Variants in CDKAL1 observed in about 807,000 individuals in gnomAD.
CDKAL1 encodes threonylcarbamoyladenosine tRNA methylthiotransferase.
A neutral mutation model predicts 68.2 loss-of-function variants in CDKAL1; 32 were observed. The observed-to-expected ratio is 0.47, with a 90% CI of 0.35 to 0.63. The LOEUF (loss-of-function observed/expected upper bound fraction) is 0.63. Ranked by LOEUF, CDKAL1 falls within the 30% of genes least tolerant of loss-of-function variation. CDKAL1 has a pLI of 0.00. For synonymous variants in CDKAL1, 234 were observed against 244.3 expected, an observed-to-expected ratio of 0.96 and a Z score of 0.39; for missense variants, 606 against 696.7, an observed-to-expected ratio of 0.87 and a Z score of 1.47.
At chr6:20,810,481 T>C (rs1455452384) in intron 8 of CDKAL1, among the ~76,000 whole-genome samples, 2 of 149,384 alleles carry the variant, frequency 1.3e-5, no homozygotes, top group African/African-American at 5.0e-5. Context: ...CCTGTGGTCT[T>C]AGCTACTCGT....
chr6:20,989,024 G>A (rs772708070), intron 10 of CDKAL1, among the ~76,000 whole-genome samples: 25 of 151,558 alleles, frequency 1.6e-4, no homozygotes, highest in Non-Finnish European at 3.1e-4. Context: ...CATTTCATTG[G>A]CCATCCCAAG....
At chr6:20,665,933 G>A (rs2127775301) in intron 5 of CDKAL1, among the ~76,000 whole-genome samples, 1 of 142,850 alleles carries the variant, frequency 7.0e-6, no homozygotes. Context: ...ACTTCGGCCT[G>A]CTTAATGGCA....
rs141748882 is a variant in CDKAL1 at position 21,126,540 on chromosome 6, C to T, written c.1299+18077C>T. ...CTGCAGTCAGCTCATTTTCCCGCTT[C>T]TGGCTCTTCTGTAAACTTCACCACT... On this transcript the variant is annotated intron_variant, in intron 13 of 15. Transcript: ENST00000274695. 6.2e-4 allele frequency among the ~76,000 whole-genome samples: 94 copies of T among 152,328 alleles called. 1 individual carries two copies. Among genetic ancestry groups the T allele is most frequent in the African/African-American group, 2.2e-3 (91 of 41,580 alleles).
chr6:21,024,010 T>C (rs16884399), intron 11 of CDKAL1, among the ~76,000 whole-genome samples: 7,607 of 152,256 alleles, frequency 0.05, 347 homozygotes, highest in East Asian at 0.18. Context: ...TACCATTTCC[T>C]TTGTTATTAA....
chr6:20,540,733 G>A (rs1763358758), intron 2 of CDKAL1, among the ~76,000 whole-genome samples: 1 of 152,214 alleles, frequency 6.6e-6, no homozygotes, highest in African/African-American at 2.4e-5. Flanking sequence ...TGGGATTACA[G>A]GCGTGAGCCA....
chr6:20,737,142 C>A (rs1374007297), intron 5 of CDKAL1, among the ~76,000 whole-genome samples: 1 of 152,182 alleles, frequency 6.6e-6, no homozygotes, highest in African/African-American at 2.4e-5. Flanking sequence ...CTGCCCTGAG[C>A]TTTCTGTGCC....
intron 13 of CDKAL1, among the ~76,000 whole-genome samples, chr6:21,150,042 AGAGATGGGG>A (rs1776339620): frequency 6.6e-6 from 1 of 151,908 alleles, no homozygotes; most frequent in Non-Finnish European, 1.5e-5. Flanking sequence ...TATTTTTAGT[AGAGATGGGG>A]TTTCACCATT....
At chr6:21,192,031 T>TTTTTTTTTTTTTTTTTC (rs1562104946) in intron 13 of CDKAL1, among the ~76,000 whole-genome samples, 1 of 116,102 alleles carries the variant, frequency 8.6e-6, no homozygotes, top group African/African-American at 3.5e-5. Context: ...TTTTTTTTTT[T>TTTTTTTTTTTTTTTTTC]TGAGACGGAG....
intron 13 of CDKAL1, among the ~76,000 whole-genome samples, chr6:21,173,768 A>C (rs1456965967): frequency 6.6e-6 from 1 of 152,172 alleles, no homozygotes; most frequent in Non-Finnish European, 1.5e-5. Context: ...ACTACAAGAT[A>C]CCATCAAAAA....
chr6:20,958,542 T>G (rs1034563307), intron 10 of CDKAL1, among the ~76,000 whole-genome samples: 15 of 152,138 alleles, frequency 9.9e-5, no homozygotes, highest in African/African-American at 3.1e-4. Flanking sequence ...CTTAGACCAC[T>G]CTACAGAAAT....
intron 9 of CDKAL1, among the ~76,000 whole-genome samples, chr6:20,870,198 A>G (rs1178840035): frequency 6.6e-6 from 1 of 152,202 alleles, no homozygotes; most frequent in Non-Finnish European, 1.5e-5. Context: ...GTAGTGCCAC[A>G]AAGATGTGGA....
intron 13 of CDKAL1, among the ~76,000 whole-genome samples, chr6:21,113,841 G>A (rs1267187253): frequency 6.6e-6 from 1 of 151,850 alleles, no homozygotes; most frequent in Admixed American, 6.6e-5. Context: ...TTGAGAGGCT[G>A]ATGCAGGAGG....
At chr6:20,919,940 G>T (rs1762875301) in intron 9 of CDKAL1, among the ~76,000 whole-genome samples, 1 of 152,156 alleles carries the variant, frequency 6.6e-6, no homozygotes, top group South Asian at 2.1e-4. Context: ...TAGCCAGAGT[G>T]GTGGTAGTGG....
intron 4 of CDKAL1, among the ~76,000 whole-genome samples, chr6:20,603,479 C>T (rs563834102): frequency 6.6e-6 from 1 of 152,216 alleles, no homozygotes; most frequent in Non-Finnish European, 1.5e-5. Context: ...ATTGCTTCCA[C>T]TCCTTCACTC....
intron 9 of CDKAL1, among the ~76,000 whole-genome samples, chr6:20,917,672 C>T (rs896140391): frequency 1.3e-5 from 2 of 152,096 alleles, no homozygotes; most frequent in African/African-American, 4.8e-5. Flanking sequence ...TCCCCTGAGT[C>T]CCCAAAGTCC....
chr6:21,172,711 A>C (rs1050099014), intron 13 of CDKAL1, among the ~76,000 whole-genome samples: 11 of 152,172 alleles, frequency 7.2e-5, no homozygotes, highest in African/African-American at 2.7e-4. Flanking sequence ...AGCTAGGATC[A>C]TACCACTGCA....
intron 6 of CDKAL1, among the ~76,000 whole-genome samples, chr6:20,757,032 C>G (rs1390590701): frequency 6.6e-6 from 1 of 151,824 alleles, no homozygotes; most frequent in Non-Finnish European, 1.5e-5. Flanking sequence ...CTCCCATGTT[C>G]AAGTTATTAT....
At chr6:20,740,359 T>G (rs1173942615) in intron 6 of CDKAL1, among the ~76,000 whole-genome samples, 1 of 152,148 alleles carries the variant, frequency 6.6e-6, no homozygotes, top group Non-Finnish European at 1.5e-5. Flanking sequence ...CTCTGTGAAG[T>G]AAGGAGACTA....
At position 20,937,862 on chromosome 6, in the gene CDKAL1, T is replaced by G. The variant is rs1420832941; in HGVS notation, c.743-17557T>G. Among the ~76,000 whole-genome samples the G allele has an allele frequency of 8.5e-4, 7 of 8,250 alleles. No homozygotes were observed. The South Asian group carries it at 0.021, about 25-fold the overall frequency. 5.4% of individuals were successfully genotyped at this position (8,250 alleles called of 152,430 possible). On this transcript the variant is annotated intron_variant, in intron 9 of 15. Coordinates refer to ENST00000274695, the MANE Select transcript of CDKAL1 (RefSeq NM_017774.3). ...CAAAATTTCTCCACTGTGAGGTGGT[T>G]TTTTTTTTTTTTCATTTTAATTAAT... is the stretch of plus-strand genomic sequence containing the variant.
Sources: allele counts gnomAD v4.1 joint callset (sites outside exome capture counted in the v4.1 genomes callset), GRCh38; gene constraint gnomAD v4.1.1; transcripts MANE v1.5; gene names NCBI Gene and HGNC (gene_info 2026-07-23, HGNC 2026-07-21).